The following PNPLA1 variants were observed in gnomAD, a reference collection of about 807,000 sequenced individuals.
PNPLA1 encodes omega-hydroxyceramide transacylase.
A neutral mutation model predicts 51.7 loss-of-function variants in PNPLA1; 36 were observed. The ratio of observed to expected loss-of-function variants is 0.70; its 90% confidence interval spans 0.53 to 0.92. The LOEUF is 0.92. Among genes scored for constraint, PNPLA1 ranks in the 40% least tolerant of loss-of-function variants. PNPLA1 has a pLI of 0.00. For missense variants in PNPLA1, 658 were observed against 682.5 expected, an observed-to-expected ratio of 0.96 and a Z score of 0.40; for synonymous variants, 293 against 280.1, an observed-to-expected ratio of 1.05 and a Z score of -0.46.
At chr6:36,254,644 A>G (rs2127313989) in intron 1 of PNPLA1, among the ~76,000 whole-genome samples, 1 of 152,158 alleles carries the variant, frequency 6.6e-6, no homozygotes, top group East Asian at 1.9e-4. Flanking sequence ...AGTGGAGTTT[A>G]AAAGTCCTTG....
chr6:36,290,870 G>A (rs1466117123), intron 1 of PNPLA1, among the ~76,000 whole-genome samples: 1 of 152,142 alleles, frequency 6.6e-6, no homozygotes, highest in African/African-American at 2.4e-5. Flanking sequence ...AAGTATCCCA[G>A]GGCGTCACTT....
Position 36,270,454 on chromosome 6 carries a change from G to A in PNPLA1, c.-6G>A, listed in dbSNP as rs753611947. The A allele has an allele frequency of 3.6e-5, 56 of 1,551,082 alleles. No individual in the cohort carries two copies. The highest frequency in any genetic ancestry group is 7.8e-5 in the Admixed American group (4 of 51,004). ...CGCCTTCCGCAGAAAGTCAGAGGCCGAGGAGATGGAAGAACAGGTGTTCAA... is the reference window on the plus strand; with the variant it reads ...CGCCTTCCGCAGAAAGTCAGAGGCCAAGGAGATGGAAGAACAGGTGTTCAA... On this transcript the variant is annotated 5_prime_UTR_variant, in exon 1 of 9. Transcript: ENST00000636260.
intron 1 of PNPLA1, among the ~76,000 whole-genome samples, chr6:36,252,715 A>C (rs1220060527): frequency 6.6e-6 from 1 of 152,194 alleles, no homozygotes; most frequent in African/African-American, 2.4e-5. Flanking sequence ...AGGACAGGAC[A>C]TGAAGCATGG....
intron 8 of PNPLA1, among the ~76,000 whole-genome samples, chr6:36,311,302 G>C (rs1397348856): frequency 6.6e-6 from 1 of 152,206 alleles, no homozygotes; most frequent in African/African-American, 2.4e-5. Context: ...AAGTTAGTCA[G>C]ACTGAGGATA....
intron 1 of PNPLA1, among the ~76,000 whole-genome samples, chr6:36,251,892 C>T (rs1300237087): frequency 6.6e-6 from 1 of 152,134 alleles, no homozygotes; most frequent in Non-Finnish European, 1.5e-5. Flanking sequence ...TTACAGTGAG[C>T]TATGATGGCA....
chr6:36,271,704 G>A (rs1346169235), intron 1 of PNPLA1, among the ~76,000 whole-genome samples: 2 of 152,226 alleles, frequency 1.3e-5, no homozygotes, highest in South Asian at 2.1e-4. Flanking sequence ...AATTCCTGGT[G>A]GAGGAGCAGC....
Position 36,311,839 on chromosome 6 carries a change from A to C in PNPLA1, c.1672A>C (p.Ser558Arg), listed in dbSNP as rs1278184514. The C allele has an allele frequency of 6.5e-6, 1 of 152,684 alleles. No homozygotes were observed. Among genetic ancestry groups the C allele is most frequent in the Non-Finnish European group, 1.5e-5 (1 of 68,114 alleles). 9.5% of individuals were successfully genotyped at this position (152,684 alleles called of 1,614,324 possible). Reference sequence around the variant, plus strand: ...TTGGGTCACCTACAGACCTCATCCCAGCCGGATCCAGGAATGCTGCCCTGA... The same window carrying C: ...TTGGGTCACCTACAGACCTCATCCCCGCCGGATCCAGGAATGCTGCCCTGA... Reference protein sequence around the residue: ...TVWVTYRPHPSRIQECCPEVW... With the variant: ...TVWVTYRPHPRRIQECCPEVW... Residue 558 changes from serine to arginine, a missense_variant, in exon 9 of 9, where the codon AGC becomes CGC. Transcript: ENST00000636260.
rs749463513 is a variant in PNPLA1, at chr6:36,302,195, A to G, written c.1110A>G (p.Pro370=). 6.8e-6 allele frequency: 11 copies of G among 1,613,992 alleles called. No homozygotes were observed. The highest frequency in any genetic ancestry group is 6.6e-5 in the South Asian group (6 of 91,090). ...CTCCACTTTCTCTAAGTGGCATGCC[A>G]CCTGTATCATTCCCAGCTGTGCACA... The part of the protein sequence containing the change: ...SSTPLSLSGM[P]PVSFPAVHKP... Residue 370 remains proline (P), a synonymous_variant, in exon 6 of 9, where the codon CCA becomes CCG. Transcript: ENST00000636260.
intron 1 of PNPLA1, among the ~76,000 whole-genome samples, chr6:36,259,100 C>T (rs376903250): frequency 6.6e-6 from 1 of 152,122 alleles, no homozygotes; most frequent in African/African-American, 2.4e-5. Context: ...TGGTTCAGAC[C>T]AAAACTTGAG....
intron 1 of PNPLA1, among the ~76,000 whole-genome samples, chr6:36,287,285 C>T (rs1480807290): frequency 6.6e-6 from 1 of 152,164 alleles, no homozygotes; most frequent in East Asian, 1.9e-4. Context: ...TGAGGAGCTT[C>T]CTATGGGCAA....
intron 1 of PNPLA1, among the ~76,000 whole-genome samples, chr6:36,284,823 T>C (rs1770432601): frequency 1.3e-5 from 2 of 152,266 alleles, no homozygotes; most frequent in South Asian, 2.1e-4. Flanking sequence ...GTTTTATATA[T>C]TGGGTTTCTA....
At chr6:36,284,889 G>T (rs897959738) in intron 1 of PNPLA1, among the ~76,000 whole-genome samples, 4 of 152,132 alleles carry the variant, frequency 2.6e-5, no homozygotes, top group African/African-American at 9.7e-5. Context: ...GCCCCAGAGG[G>T]TCTCTGTAAA....
chr6:36,287,201 C>G (rs1326635074), intron 1 of PNPLA1, among the ~76,000 whole-genome samples: 1 of 152,220 alleles, frequency 6.6e-6, no homozygotes, highest in African/African-American at 2.4e-5. Context: ...TGTTCACACA[C>G]TGAGAGCCTT....
intron 1 of PNPLA1, among the ~76,000 whole-genome samples, chr6:36,284,747 T>C (rs1325644418): frequency 2.0e-5 from 3 of 152,188 alleles, no homozygotes. Flanking sequence ...GCTACCTTCC[T>C]AAGGTGGGTG....
intron 1 of PNPLA1, among the ~76,000 whole-genome samples, chr6:36,264,548 G>A (rs1769721523): frequency 1.3e-5 from 2 of 152,166 alleles, no homozygotes; most frequent in Admixed American, 6.5e-5. Context: ...CTTCAACCTG[G>A]AACACTCCCT....
In PNPLA1 at chr6:36,282,708, C is replaced by T. The variant is rs932511990; in HGVS notation, c.206-8612C>T. Reference sequence around the variant, plus strand: ...TTAATTTAATTTAACTTTTTTGAGACAGAGTCTTGCTCTGTCACCCAGGCT... The same window carrying T: ...TTAATTTAATTTAACTTTTTTGAGATAGAGTCTTGCTCTGTCACCCAGGCT... On this transcript the variant is annotated intron_variant, in intron 1 of 8. Coordinates refer to ENST00000636260, the MANE Select transcript of PNPLA1 (RefSeq NM_001374623.1). Among the ~76,000 whole-genome samples the T allele has an allele frequency of 2.0e-5, 3 of 152,120 alleles. No homozygotes were observed. The South Asian group carries it at 6.2e-4, about 32-fold the overall frequency.
intron 1 of PNPLA1, among the ~76,000 whole-genome samples, chr6:36,255,644 G>T (rs2127314701): frequency 6.6e-6 from 1 of 152,020 alleles, no homozygotes; most frequent in Admixed American, 6.5e-5. Flanking sequence ...CCAAGATTGT[G>T]CCACTGCACT....
At chr6:36,276,457 T>C (rs2127328396) in intron 1 of PNPLA1, among the ~76,000 whole-genome samples, 1 of 152,330 alleles carries the variant, frequency 6.6e-6, no homozygotes, top group Middle Eastern at 3.4e-3. Context: ...ACATAGTGCC[T>C]GGTTTTTACT....
chr6:36,271,188 T>G (rs1582047105), intron 1 of PNPLA1, among the ~76,000 whole-genome samples: 1 of 150,880 alleles, frequency 6.6e-6, no homozygotes, highest in Admixed American at 6.6e-5. Context: ...GAGCCCAGAG[T>G]GGGAGAAGAA....
Sources: allele counts gnomAD v4.1 joint callset (sites outside exome capture counted in the v4.1 genomes callset), GRCh38; gene constraint gnomAD v4.1.1; transcripts MANE v1.5; gene names NCBI Gene and HGNC (gene_info 2026-07-23, HGNC 2026-07-21).